ASTN2: variants seen among roughly 807,000 people sequenced by gnomAD.
The protein encoded by ASTN2 is astrotactin-2.
ASTN2 carries 54 observed loss-of-function variants against 139.8 expected under a neutral mutation model. That is an observed-to-expected ratio of 0.39 (90% CI 0.31 to 0.48). The LOEUF (loss-of-function observed/expected upper bound fraction) is 0.48. Ranked by LOEUF, ASTN2 falls within the 20% of genes least tolerant of loss-of-function variation. The pLI, the probability that ASTN2 is intolerant of heterozygous loss-of-function variation, is 0.95. For synonymous variants in ASTN2, 756 were observed against 719.5 expected (o/e 1.05, Z -0.81); for missense variants, 1,565 against 1,725.1 (o/e 0.91, Z 1.64).
At chr9:116,696,679 T>C (rs992281517) in intron 16 of ASTN2, among the ~76,000 whole-genome samples, 1 of 152,194 alleles carries the variant, frequency 6.6e-6, no homozygotes, top group African/African-American at 2.4e-5. Flanking sequence ...CTGCCTTCAT[T>C]ATTATTTACC....
chr9:116,662,347 C>T (rs1220681285), intron 16 of ASTN2, among the ~76,000 whole-genome samples: 3 of 152,018 alleles, frequency 2.0e-5, no homozygotes, highest in Admixed American at 6.6e-5. Flanking sequence ...CTAAGGTGGG[C>T]GGATCACCTG....
intron 13 of ASTN2, among the ~76,000 whole-genome samples, chr9:116,775,070 T>C (rs1331924824): frequency 2.0e-5 from 3 of 152,038 alleles, no homozygotes; most frequent in Non-Finnish European, 2.9e-5. Context: ...GAGCAGGTAA[T>C]AGAATTTCAG....
At chr9:117,242,535 T>C (rs974236524) in intron 2 of ASTN2, among the ~76,000 whole-genome samples, 11 of 152,200 alleles carry the variant, frequency 7.2e-5, no homozygotes, top group Admixed American at 5.9e-4. Flanking sequence ...ATAGTATAAC[T>C]ATCACACCCT....
At chr9:116,674,876 ACT>A (rs1183041734) in intron 16 of ASTN2, among the ~76,000 whole-genome samples, 1 of 151,576 alleles carries the variant, frequency 6.6e-6, no homozygotes, top group African/African-American at 2.4e-5. Flanking sequence ...ATCCTTAAAA[ACT>A]CTGCTCCCCA....
At chr9:117,029,851 C>T (rs1337177898) in intron 6 of ASTN2, among the ~76,000 whole-genome samples, 1 of 152,082 alleles carries the variant, frequency 6.6e-6, no homozygotes, top group African/African-American at 2.4e-5. Context: ...CCTGCCAAGA[C>T]CCTATTCCAA....
chr9:116,799,948 C>T (rs1564273757), intron 13 of ASTN2, among the ~76,000 whole-genome samples: 1 of 152,154 alleles, frequency 6.6e-6, no homozygotes, highest in African/African-American at 2.4e-5. Flanking sequence ...ATCATTGGCT[C>T]TTCACATTTC....
intron 10 of ASTN2, among the ~76,000 whole-genome samples, chr9:116,923,387 A>G (rs1834666847): frequency 6.6e-6 from 1 of 152,126 alleles, no homozygotes; most frequent in South Asian, 2.1e-4. Context: ...CTACAATGAG[A>G]TAGTCACTCT....
intron 5 of ASTN2, among the ~76,000 whole-genome samples, chr9:117,091,756 A>C (rs1828712738): frequency 6.6e-6 from 1 of 152,108 alleles, no homozygotes; most frequent in Non-Finnish European, 1.5e-5. Context: ...TCAGGATTGC[A>C]GGTGTGTAGG....
chr9:116,988,633 T>C (rs1836750990), intron 7 of ASTN2, among the ~76,000 whole-genome samples: 1 of 151,994 alleles, frequency 6.6e-6, no homozygotes, highest in South Asian at 2.1e-4. Flanking sequence ...AGCAACAGGG[T>C]CAAGATTGGA....
chr9:116,480,182 G>C (rs1564306523), intron 20 of ASTN2, among the ~76,000 whole-genome samples: 2 of 151,854 alleles, frequency 1.3e-5, no homozygotes. Flanking sequence ...GGGAGGAAGG[G>C]AAAGGAAGGG....
At chr9:116,517,605 AC>A (rs1288461092) in intron 19 of ASTN2, among the ~76,000 whole-genome samples, 1 of 152,206 alleles carries the variant, frequency 6.6e-6, no homozygotes, top group Non-Finnish European at 1.5e-5. Flanking sequence ...GTTATTTAAC[AC>A]CCATAAAAGA....
intron 20 of ASTN2, among the ~76,000 whole-genome samples, chr9:116,454,743 C>CA (rs1848276887): frequency 6.6e-6 from 1 of 152,166 alleles, no homozygotes; most frequent in Non-Finnish European, 1.5e-5. Context: ...TTTGTAGGGA[C>CA]ATGGACAAAG....
At chr9:116,962,182 A>C (rs1412120813) in intron 10 of ASTN2, among the ~76,000 whole-genome samples, 1 of 152,224 alleles carries the variant, frequency 6.6e-6, no homozygotes, top group African/African-American at 2.4e-5. Flanking sequence ...ATTCTAGGAA[A>C]TGTTATAGTT....
At chr9:116,641,046 A>G (rs1857302760) in intron 17 of ASTN2, among the ~76,000 whole-genome samples, 1 of 152,160 alleles carries the variant, frequency 6.6e-6, no homozygotes, top group Admixed American at 6.5e-5. Flanking sequence ...GAAATAGAAA[A>G]TACTGTCAGA....
intron 7 of ASTN2, among the ~76,000 whole-genome samples, chr9:116,982,106 A>C (rs1254316887): frequency 6.6e-6 from 1 of 152,248 alleles, no homozygotes; most frequent in African/African-American, 2.4e-5. Context: ...TCTTCCAAAC[A>C]GGACAATGCT....
chr9:117,403,646 G>T (rs529404174), intron 1 of ASTN2, among the ~76,000 whole-genome samples: 39 of 151,850 alleles, frequency 2.6e-4, no homozygotes, highest in South Asian at 2.1e-4. Context: ...TAATGGAAAT[G>T]TTCCTTCCCT....
chr9:116,933,920 A>T (rs927298130), intron 10 of ASTN2, among the ~76,000 whole-genome samples: 4 of 150,258 alleles, frequency 2.7e-5, no homozygotes, highest in African/African-American at 9.8e-5. Flanking sequence ...GGGTACCACC[A>T]ATCAGCCAAT....
At chr9:117,410,186 G>A (rs1831122130) in intron 1 of ASTN2, among the ~76,000 whole-genome samples, 1 of 152,192 alleles carries the variant, frequency 6.6e-6, no homozygotes, top group Non-Finnish European at 1.5e-5. Context: ...AATCAAAGCA[G>A]GTAGTAAACA....
At chr9:116,967,513 G>A (rs1321727888) in intron 10 of ASTN2, among the ~76,000 whole-genome samples, 1 of 152,188 alleles carries the variant, frequency 6.6e-6, no homozygotes, top group East Asian at 1.9e-4. Flanking sequence ...GAGTCTACCT[G>A]AAGAAGCCAC....
Sources: allele counts gnomAD v4.1 joint callset (sites outside exome capture counted in the v4.1 genomes callset), GRCh38; gene constraint gnomAD v4.1.1; transcripts MANE v1.5; gene names NCBI Gene and HGNC (gene_info 2026-07-23, HGNC 2026-07-21).